The following RBFOX3 variants were observed in gnomAD, a reference collection of about 807,000 sequenced individuals.
RBFOX3 encodes the protein RNA binding protein fox-1 homolog 3.
Under a neutral mutation model 48.7 loss-of-function variants are expected in RBFOX3, and 17 were observed. That is an observed-to-expected ratio of 0.35 (90% confidence interval 0.24 to 0.52). The LOEUF (loss-of-function observed/expected upper bound fraction) is 0.52. Ranked by LOEUF, RBFOX3 falls within the 20% of genes least tolerant of loss-of-function variation. The pLI, the probability that RBFOX3 is intolerant of heterozygous loss-of-function variation, is 0.94. For synonymous variants in RBFOX3, 212 were observed against 209.5 expected, an observed-to-expected ratio of 1.01 and a Z score of -0.10; for missense variants, 382 against 497.5, an observed-to-expected ratio of 0.77 and a Z score of 2.21.
intron 3 of RBFOX3, among the ~76,000 whole-genome samples, chr17:79,287,638 A>C (rs2144718451): frequency 6.6e-6 from 1 of 152,220 alleles, no homozygotes; most frequent in East Asian, 1.9e-4. Context: ...GCCCCTCCCC[A>C]CCCTGAGAAT....
chr17:79,525,225 G>A (rs2086645113), intron 1 of RBFOX3, among the ~76,000 whole-genome samples: 3 of 152,116 alleles, frequency 2.0e-5, no homozygotes, highest in African/African-American at 7.2e-5. Flanking sequence ...TGGACACCAG[G>A]AGCACCCCAC....
intron 3 of RBFOX3, among the ~76,000 whole-genome samples, chr17:79,285,239 C>T (rs1874409053): frequency 6.6e-6 from 1 of 152,170 alleles, no homozygotes; most frequent in South Asian, 2.1e-4. Flanking sequence ...TGGCGCTGTC[C>T]CCCCTTTCTG....
rs529045840 is a variant in RBFOX3, at chr17:79,369,668, G to A, written c.-174-61844C>T. Among the ~76,000 whole-genome samples the A allele has an allele frequency of 9.2e-5, 14 of 152,208 alleles. No homozygotes were observed. The South Asian group carries it at 2.3e-3, about 25-fold the overall frequency. ...GCCCGCAATGGCCTTGGGAGCCCAC[G>A]TGTGTCTCCAGGTGATTCTTCACTG... On this transcript the variant is annotated intron_variant, in intron 2 of 14. Transcript: ENST00000693108.
In RBFOX3 at chr17:79,587,371, C is replaced by T. The variant is rs932220121; in HGVS notation, c.-320+23455G>A. Among the ~76,000 whole-genome samples the T allele has an allele frequency of 2.1e-3, 314 of 152,330 alleles. 2 individuals are homozygous for T. The highest frequency in any genetic ancestry group is 7.2e-3 in the African/African-American group (298 of 41,568). ...GGCAGCATGACCTTACATAGCATGTCCACGGCAGCCTGATCCCAAGACCTC... is the reference window on the plus strand; with the variant it reads ...GGCAGCATGACCTTACATAGCATGTTCACGGCAGCCTGATCCCAAGACCTC... On this transcript the variant is annotated intron_variant, in intron 1 of 14. Coordinates refer to ENST00000693108, the MANE Select transcript of RBFOX3 (RefSeq NM_001350451.2).
At chr17:79,522,980 C>T (rs1029090561) in intron 1 of RBFOX3, among the ~76,000 whole-genome samples, 26,605 of 148,856 alleles carry the variant, frequency 0.18, 6,255 homozygotes, top group African/African-American at 0.55. Flanking sequence ...TGACGCAGGC[C>T]AGAACAGGAT....
At chr17:79,510,575 T>G (rs1555780644) in intron 1 of RBFOX3, among the ~76,000 whole-genome samples, 1 of 152,130 alleles carries the variant, frequency 6.6e-6, no homozygotes, top group Non-Finnish European at 1.5e-5. Flanking sequence ...GGGGCTGTAA[T>G]TACAGCAAGT....
chr17:79,627,095 C>T, the RBFOX3 span, among the ~76,000 whole-genome samples: 1 of 152,216 alleles, frequency 6.6e-6, no homozygotes, highest in Non-Finnish European at 1.5e-5. Flanking sequence ...TTGCCAACAG[C>T]CACACACGGA....
chr17:79,556,965 T>C (rs917960341), intron 1 of RBFOX3, among the ~76,000 whole-genome samples: 7 of 152,164 alleles, frequency 4.6e-5, no homozygotes, highest in African/African-American at 9.7e-5. Flanking sequence ...CTGACAAGGC[T>C]AGTCATGGTG....
chr17:79,599,341 C>G (rs1218999897), intron 1 of RBFOX3: 1 of 152,356 alleles, frequency 6.6e-6, no homozygotes, highest in African/African-American at 2.4e-5. Flanking sequence ...TTGGTGGAGG[C>G]GAATGGGAGC....
intron 4 of RBFOX3, among the ~76,000 whole-genome samples, chr17:79,152,598 G>C (rs1033796602): frequency 6.6e-6 from 1 of 152,198 alleles, no homozygotes; most frequent in South Asian, 2.1e-4. Flanking sequence ...CTGCACAGGC[G>C]AGCAGAGACT....
chr17:79,241,992 G>A (rs948859457), intron 3 of RBFOX3, among the ~76,000 whole-genome samples: 3 of 152,208 alleles, frequency 2.0e-5, no homozygotes, highest in Non-Finnish European at 4.4e-5. Flanking sequence ...GGGAGTGACC[G>A]ACATTTAGTG....
At chr17:79,569,584 T>C (rs890133325) in intron 1 of RBFOX3, among the ~76,000 whole-genome samples, 30 of 152,256 alleles carry the variant, frequency 2.0e-4, no homozygotes, top group Non-Finnish European at 3.5e-4. Context: ...TTTGGGTATA[T>C]GTCAGTAGAT....
chr17:79,497,446 G>A (rs2094828838), intron 1 of RBFOX3, among the ~76,000 whole-genome samples: 1 of 152,030 alleles, frequency 6.6e-6, no homozygotes, highest in Non-Finnish European at 1.5e-5. Context: ...CAATACGTTT[G>A]GGAAAAAAAG....
chr17:79,460,593 T>A (rs782021983), intron 2 of RBFOX3, among the ~76,000 whole-genome samples: 10 of 152,240 alleles, frequency 6.6e-5, no homozygotes, highest in Non-Finnish European at 1.3e-4. Context: ...GAAGTTCACG[T>A]GTTGAAAACT....
At chr17:79,260,365 C>T (rs1405873728) in intron 3 of RBFOX3, among the ~76,000 whole-genome samples, 1 of 152,206 alleles carries the variant, frequency 6.6e-6, no homozygotes, top group Non-Finnish European at 1.5e-5. Flanking sequence ...GCCTCTGCCC[C>T]ACACGTTCTG....
At chr17:79,454,282 C>T (rs979449105) in intron 2 of RBFOX3, among the ~76,000 whole-genome samples, 3 of 152,158 alleles carry the variant, frequency 2.0e-5, no homozygotes, top group African/African-American at 7.2e-5. Flanking sequence ...GGCCTCTCCT[C>T]AGCATACCCC....
At chr17:79,213,321 G>C (rs1017268871) in intron 4 of RBFOX3, among the ~76,000 whole-genome samples, 1 of 150,820 alleles carries the variant, frequency 6.6e-6, no homozygotes, top group East Asian at 1.9e-4. Context: ...AGGACGCGGC[G>C]GGGGGGCACC....
intron 2 of RBFOX3, among the ~76,000 whole-genome samples, chr17:79,352,350 G>A (rs1314904060): frequency 6.6e-6 from 1 of 152,164 alleles, no homozygotes; most frequent in African/African-American, 2.4e-5. Context: ...GTGAAGATGT[G>A]CCTGCTTCCT....
In RBFOX3 at chr17:79,249,076, C is replaced by T. The variant is rs373240470; in HGVS notation, c.-73-13271G>A. Reference sequence around the variant, plus strand: ...CAGAGCGAGGCTGCCTCCCCTGGGTCGGCAACGCCACCTCGCTTCCTGCAG... The same window carrying T: ...CAGAGCGAGGCTGCCTCCCCTGGGTTGGCAACGCCACCTCGCTTCCTGCAG... On this transcript the variant is annotated intron_variant, in intron 3 of 14. Coordinates refer to ENST00000693108, the MANE Select transcript of RBFOX3 (RefSeq NM_001350451.2). The surrounding 1 kb of genome is among the most constrained non-coding windows in gnomAD (Gnocchi z 4.1). Among the ~76,000 whole-genome samples, 195 of 152,296 alleles carry T rather than the reference C, an allele frequency of 1.3e-3. 1 individual carries two copies. Among genetic ancestry groups the T allele is most frequent in the African/African-American group, 3.7e-3 (152 of 41,540 alleles).
Sources: gnomAD v4.1 joint callset for allele counts (sites outside exome capture counted in the v4.1 genomes callset) on GRCh38, gnomAD v4.1.1 for gene constraint, Gnocchi (gnomAD v3.1) non-coding constraint, MANE v1.5 for transcripts, NCBI Gene and HGNC (gene_info 2026-07-23, HGNC 2026-07-21) for gene names.